Variants in USP34 observed in about 807,000 individuals in gnomAD.
USP34 encodes the protein ubiquitin specific peptidase 34.
A neutral mutation model predicts 460.3 loss-of-function variants in USP34; 70 were observed. That is an observed-to-expected ratio of 0.15 (90% CI 0.13 to 0.19). The LOEUF is 0.19. USP34 is among the 10% of genes least tolerant of loss of function. The pLI is 1.00. For synonymous variants in USP34, 1,647 were observed against 1,405.3 expected, an observed-to-expected ratio of 1.17 and a Z score of -3.85; for missense variants, 3,985 against 4,236.2, an observed-to-expected ratio of 0.94 and a Z score of 1.65.
At chr2:61,453,526 A>G (rs1695345028) in intron 1 of USP34, among the ~76,000 whole-genome samples, 3 of 151,848 alleles carry the variant, frequency 2.0e-5, no homozygotes, top group Admixed American at 2.0e-4. Context: ...CCTCGCCAAT[A>G]TGGTGAAACC....
At chr2:61,226,253 C>A (rs1279399343) in intron 62 of USP34, among the ~76,000 whole-genome samples, 3 of 152,162 alleles carry the variant, frequency 2.0e-5, no homozygotes, top group Non-Finnish European at 4.4e-5. Flanking sequence ...CAAATTGTTG[C>A]CTTGTTTGAC....
At chr2:61,416,689 TCTC>T (rs1694204073) in intron 2 of USP34, among the ~76,000 whole-genome samples, 1 of 152,334 alleles carries the variant, frequency 6.6e-6, no homozygotes, top group Non-Finnish European at 1.5e-5. Context: ...TTGAATTTAT[TCTC>T]CTATTCCTTT....
chr2:61,427,219 AG>A (rs1226698041), intron 1 of USP34, among the ~76,000 whole-genome samples: 1 of 152,090 alleles, frequency 6.6e-6, no homozygotes, highest in African/African-American at 2.4e-5. Context: ...TAGTAGAGAC[AG>A]GGTTTCACCA....
intron 29 of USP34, 59 bp from the exon 30 acceptor site, chr2:61,296,984 T>C (rs780644529): frequency 1.4e-5 from 21 of 1,515,488 alleles, no homozygotes; most frequent in Non-Finnish European, 1.7e-5. Flanking sequence ...AAGTTTTAAG[T>C]TCAAATTTTT....
At chr2:61,434,555 C>T (rs2104006035) in intron 1 of USP34, among the ~76,000 whole-genome samples, 1 of 152,298 alleles carries the variant, frequency 6.6e-6, no homozygotes, top group African/African-American at 2.4e-5. Flanking sequence ...ACTTGAGAAA[C>T]AGCCCAATGA....
At chr2:61,253,264 G>C (rs1421666737) in intron 48 of USP34, among the ~76,000 whole-genome samples, 1 of 152,166 alleles carries the variant, frequency 6.6e-6, no homozygotes. Flanking sequence ...CAAAAGAAGG[G>C]AGTTATCAAG....
chr2:61,283,296 C>T (rs1272003566), intron 36 of USP34, 27 bp from the exon 37 acceptor site: 2 of 1,603,812 alleles, frequency 1.2e-6, no homozygotes, highest in Admixed American at 3.4e-5. Flanking sequence ...AAACAGTTCA[C>T]TATAAAAGGT....
chr2:61,355,993 A>C (rs778144), intron 10 of USP34, among the ~76,000 whole-genome samples: 55,291 of 151,950 alleles, frequency 0.36, 10,035 homozygotes, highest in Non-Finnish European at 0.38. Flanking sequence ...AAATTTTAAA[A>C]AGGTTACCAG....
intron 75 of USP34, chr2:61,199,880 G>A (rs560543701): frequency 6.6e-6 from 1 of 152,370 alleles, no homozygotes; most frequent in South Asian, 2.1e-4. Flanking sequence ...GGTGAGAAAA[G>A]GTCTGTGATA....
intron 53 of USP34, among the ~76,000 whole-genome samples, chr2:61,239,270 T>A (rs1234862521): frequency 6.8e-6 from 1 of 147,544 alleles, no homozygotes; most frequent in African/African-American, 2.5e-5. Context: ...TAGAAATGAT[T>A]AAGCTTCCTC....
chr2:61,322,419 G>A (rs1322182978), intron 21 of USP34, among the ~76,000 whole-genome samples: 1 of 152,140 alleles, frequency 6.6e-6, no homozygotes, highest in East Asian at 1.9e-4. Context: ...GCAGAAGACA[G>A]ACGAACTATT....
At position 61,256,965 on chromosome 2, in the gene USP34, TA is replaced by T; in HGVS notation, c.6049-16del. 1 of 1,468,838 alleles carries T rather than the reference TA, an allele frequency of 6.8e-7. No homozygotes were observed. The allele number at this position is 1,468,838 out of a possible 1,614,324, so 91.0% of individuals were successfully genotyped here. A position where few individuals can be genotyped will look rare whatever the true frequency, so the allele number is the denominator to read the frequency against. On this transcript the variant is annotated splice_polypyrimidine_tract_variant and intron_variant, in intron 46 of 79. Transcript: ENST00000398571. ...TGTTCACAATCCTAATCAATACACA[TA>T]AAAAATTAATAAAAACTAGTAAATT...
intron 1 of USP34, among the ~76,000 whole-genome samples, chr2:61,452,165 C>G (rs1255391303): frequency 6.8e-6 from 1 of 147,276 alleles, no homozygotes; most frequent in Non-Finnish European, 1.5e-5. Flanking sequence ...CAGAGCGAGA[C>G]TCCGTCTCAA....
chr2:61,380,544 T>A (rs1049898082), intron 6 of USP34, among the ~76,000 whole-genome samples, 183 bp from the exon 7 acceptor site: 18 of 152,210 alleles, frequency 1.2e-4, no homozygotes, highest in African/African-American at 4.1e-4. Context: ...CTGTCCAACC[T>A]TTCAACATTA....
At chr2:61,278,895 AG>A (rs2103951972) in intron 39 of USP34, among the ~76,000 whole-genome samples, 1 of 152,330 alleles carries the variant, frequency 6.6e-6, no homozygotes, top group Non-Finnish European at 1.5e-5. Flanking sequence ...CCTTTAAATT[AG>A]ACTTTTAACA....
intron 57 of USP34, among the ~76,000 whole-genome samples, chr2:61,233,751 C>T (rs1687984645): frequency 6.6e-6 from 1 of 151,706 alleles, no homozygotes. Context: ...GGCAGGATTG[C>T]TCAAGCCCAG....
intron 7 of USP34, among the ~76,000 whole-genome samples, chr2:61,379,158 T>G (rs1348733269): frequency 6.6e-6 from 1 of 152,164 alleles, no homozygotes; most frequent in Non-Finnish European, 1.5e-5. Flanking sequence ...TGAAACCCGG[T>G]ACACAAGTAA....
chr2:61,335,695 G>A (rs892618873), intron 18 of USP34, among the ~76,000 whole-genome samples: 2 of 152,210 alleles, frequency 1.3e-5, no homozygotes, highest in Admixed American at 6.5e-5. Flanking sequence ...GTTACAGTGA[G>A]CTGAGATTGC....
chr2:61,416,831 G>GGGGGGT (rs1694210126), intron 2 of USP34: 1 of 372,438 alleles, frequency 2.7e-6, no homozygotes, highest in Admixed American at 4.9e-5. Context: ...TGGGGGGGGG[G>GGGGGGT]ACAGGAAGTA....
Sources: gnomAD v4.1 joint callset for allele counts (sites outside exome capture counted in the v4.1 genomes callset) on GRCh38, gnomAD v4.1.1 for gene constraint, MANE v1.5 for transcripts, NCBI Gene and HGNC (gene_info 2026-07-23, HGNC 2026-07-21) for gene names.